TASP1: variants seen among roughly 807,000 people sequenced by gnomAD.
TASP1 encodes the protein taspase 1, also known as threonine aspartase 1.
Under a neutral mutation model 56.6 loss-of-function variants are expected in TASP1, and 16 were observed. That is an observed-to-expected ratio of 0.28 (90% confidence interval 0.19 to 0.43). The LOEUF (loss-of-function observed/expected upper bound fraction) is 0.43. Ranked by LOEUF, TASP1 falls within the 20% of genes least tolerant of loss-of-function variation. The probability of loss-of-function intolerance (pLI) is 1.00; values close to 1 mark genes in which losing one functional copy is unlikely to be tolerated. For missense variants in TASP1, 393 were observed against 511.6 expected, an observed-to-expected ratio of 0.77 and a Z score of 2.24; for synonymous variants, 179 against 184.2, an observed-to-expected ratio of 0.97 and a Z score of 0.23.
the TASP1 span, among the ~76,000 whole-genome samples, chr20:13,251,129 T>G: frequency 6.6e-6 from 1 of 152,302 alleles, no homozygotes; most frequent in East Asian, 1.9e-4. Flanking sequence ...CAGAGATCAA[T>G]CCAGTCATTT....
At chr20:13,491,822 T>C (rs1256141341) in intron 10 of TASP1, among the ~76,000 whole-genome samples, 1 of 152,196 alleles carries the variant, frequency 6.6e-6, no homozygotes, top group Non-Finnish European at 1.5e-5. Context: ...AGTGGTGGGA[T>C]GAGCCCCATT....
the TASP1 span, among the ~76,000 whole-genome samples, chr20:13,284,220 T>C: frequency 6.6e-6 from 1 of 152,202 alleles, no homozygotes; most frequent in Non-Finnish European, 1.5e-5. Context: ...GGTTTACTAG[T>C]GGCCAAGTCA....
the TASP1 span, among the ~76,000 whole-genome samples, chr20:13,243,680 C>T: frequency 6.6e-6 from 1 of 152,104 alleles, no homozygotes; most frequent in Non-Finnish European, 1.5e-5. Context: ...TTCACTAATG[C>T]CAAAACCTAG....
intron 13 of TASP1, 72 bp from the exon 14 acceptor site, chr20:13,390,524 C>G: frequency 7.2e-7 from 1 of 1,390,806 alleles, no homozygotes; most frequent in Non-Finnish European, 1.0e-6. Flanking sequence ...TACCCGTGTC[C>G]AAAAAAGGTG....
the TASP1 span, among the ~76,000 whole-genome samples, chr20:13,343,102 T>C: frequency 1.3e-5 from 2 of 152,172 alleles, no homozygotes; most frequent in African/African-American, 4.8e-5. Flanking sequence ...AAAATGTCCC[T>C]TCAACGGCCT....
chr20:13,396,372 A>T (rs1400219655), intron 13 of TASP1, among the ~76,000 whole-genome samples: 2 of 152,250 alleles, frequency 1.3e-5, no homozygotes, highest in African/African-American at 4.8e-5. Flanking sequence ...CAACTAGCTG[A>T]CAGTTTCACA....
intron 11 of TASP1, among the ~76,000 whole-genome samples, 158 bp downstream of exon 11, chr20:13,483,069 G>A (rs1427622939): frequency 6.6e-6 from 1 of 152,102 alleles, no homozygotes; most frequent in African/African-American, 2.4e-5. Flanking sequence ...CTACTGTGGT[G>A]GAATTTCTTT....
chr20:13,544,161 T>C (rs998299639), intron 8 of TASP1, among the ~76,000 whole-genome samples: 7 of 152,214 alleles, frequency 4.6e-5, no homozygotes, highest in South Asian at 2.1e-4. Flanking sequence ...TCTCACTTTA[T>C]CTGTAAAAAA....
the TASP1 span, among the ~76,000 whole-genome samples, chr20:13,345,983 G>A: frequency 6.8e-6 from 1 of 146,374 alleles, no homozygotes; most frequent in African/African-American, 2.5e-5. Flanking sequence ...CTAGCTAAGA[G>A]AAACCTTGGA....
chr20:13,242,825 TG>T, the TASP1 span, among the ~76,000 whole-genome samples: 1 of 152,318 alleles, frequency 6.6e-6, no homozygotes, highest in East Asian at 1.9e-4. Flanking sequence ...TGTGAAGTAG[TG>T]GGAGCTGGTA....
intron 6 of TASP1, among the ~76,000 whole-genome samples, chr20:13,579,647 G>A (rs73088075): frequency 0.02 from 3,093 of 152,124 alleles, 46 homozygotes; most frequent in Non-Finnish European, 0.033. Flanking sequence ...CACCGCGCCC[G>A]GCTTTTCTCA....
At chr20:13,327,592 C>T in the TASP1 span, among the ~76,000 whole-genome samples, 1 of 152,140 alleles carries the variant, frequency 6.6e-6, no homozygotes, top group African/African-American at 2.4e-5. Context: ...CAGCATGGTA[C>T]TGGTACAAGA....
At chr20:13,571,564 C>CT (rs2046713805) in intron 6 of TASP1, among the ~76,000 whole-genome samples, 1 of 152,162 alleles carries the variant, frequency 6.6e-6, no homozygotes, top group African/African-American at 2.4e-5. Flanking sequence ...TCATCTGATA[C>CT]CTACAATGCT....
the TASP1 span, among the ~76,000 whole-genome samples, chr20:13,359,338 G>A: frequency 6.6e-6 from 1 of 151,306 alleles, no homozygotes; most frequent in Non-Finnish European, 1.5e-5. Context: ...AAATCGGACT[G>A]TTCAACTCAC....
At chr20:13,539,581 T>G (rs1256324502) in intron 8 of TASP1, among the ~76,000 whole-genome samples, 1 of 152,156 alleles carries the variant, frequency 6.6e-6, no homozygotes, top group Non-Finnish European at 1.5e-5. Flanking sequence ...AATAAAATCT[T>G]TATACTATTT....
At chr20:13,241,841 C>CT in the TASP1 span, among the ~76,000 whole-genome samples, 2 of 152,072 alleles carry the variant, frequency 1.3e-5, no homozygotes, top group Non-Finnish European at 2.9e-5. Flanking sequence ...CACCCACCTG[C>CT]TTGGCTACTA....
At chr20:13,429,832 C>A (rs58266213) in intron 12 of TASP1, among the ~76,000 whole-genome samples, 4,217 of 152,188 alleles carry the variant, frequency 0.028, 195 homozygotes, top group African/African-American at 0.093. Context: ...TCCTTCTGAT[C>A]TTGGGATTGG....
At chr20:13,529,690 G>C (rs1353761568) in intron 9 of TASP1, among the ~76,000 whole-genome samples, 1 of 152,182 alleles carries the variant, frequency 6.6e-6, no homozygotes, top group Non-Finnish European at 1.5e-5. Flanking sequence ...GCCACTGATG[G>C]AGGAAAAAGA....
chr20:13,435,334 G>T (rs1165393917), intron 11 of TASP1, among the ~76,000 whole-genome samples, 180 bp from the exon 12 acceptor site: 2 of 152,092 alleles, frequency 1.3e-5, no homozygotes, highest in Non-Finnish European at 2.9e-5. Flanking sequence ...GCCTGAATAG[G>T]GGCCATTTGG....
Sources: gnomAD v4.1 joint callset for allele counts (sites outside exome capture counted in the v4.1 genomes callset) on GRCh38, gnomAD v4.1.1 for gene constraint, MANE v1.5 for transcripts, NCBI Gene and HGNC (gene_info 2026-07-23, HGNC 2026-07-21) for gene names.